ITIH6: variants seen among roughly 807,000 people sequenced by gnomAD.
ITIH6 encodes the protein inter-alpha-trypsin inhibitor heavy chain H6.
ITIH6 carries 60 observed loss-of-function variants against 58.2 expected under a neutral mutation model. That is an observed-to-expected ratio of 1.03 (90% CI 0.84 to 1.28). The LOEUF is 1.28. Ranked by LOEUF, ITIH6 falls within the 50% of genes most tolerant of loss-of-function variation. The pLI, the probability that ITIH6 is intolerant of heterozygous loss-of-function variation, is 0.00. For missense variants in ITIH6, 1,290 were observed against 1,021.1 expected (o/e 1.26, Z -3.59); for synonymous variants, 493 against 417.4 (o/e 1.18, Z -2.21).
intron 5 of ITIH6, among the ~76,000 whole-genome samples, chrX:54,784,517 A>G (rs1177169336): frequency 8.9e-6 from 1 of 112,153 alleles, no homozygotes; most frequent in Non-Finnish European, 1.9e-5. Context: ...AAATCCAATC[A>G]AAAAAGGGCA....
At position 54,749,917 on chromosome X, in the gene ITIH6, G is replaced by T. The variant is rs1323950884; in HGVS notation, c.3920C>A (p.Pro1307His). The change falls in exon 13 of 13, where the codon CCC (proline) becomes CAC (histidine). Residue 1307 changes from proline to histidine, a missense_variant. Pro to His is a moderately conservative substitution (Grantham distance 77). Transcript: ENST00000218436. ...CCATCACAGGACATAGGAGAGGTAGGGGTGGCCCAGAAGCAGCTCTACATG... is the reference window on the plus strand; with the variant it reads ...CCATCACAGGACATAGGAGAGGTAGTGGTGGCCCAGAAGCAGCTCTACATG... The part of the protein sequence containing the change: ...RSHVELLLGH[P>H]YLSYVL The T allele has an allele frequency of 1.7e-6, 2 of 1,208,852 alleles. No homozygotes were observed. Among genetic ancestry groups the T allele is most frequent in the Non-Finnish European group, 2.2e-6 (2 of 894,570 alleles).
chrX:54,756,485 G>A (rs1161838305), intron 8 of ITIH6, among the ~76,000 whole-genome samples: 1 of 111,568 alleles, frequency 9.0e-6, no homozygotes, highest in East Asian at 2.8e-4. Flanking sequence ...GCTCACAAAT[G>A]TTAACTTATT....
At chrX:54,761,351 G>A (rs1050495017) in intron 6 of ITIH6, among the ~76,000 whole-genome samples, 6 of 111,635 alleles carry the variant, frequency 5.4e-5, no homozygotes, top group Admixed American at 1.9e-4. Context: ...TTTGTCAGAT[G>A]AATAGATTGC....
chrX:54,779,569 TA>T (rs1929112306), intron 5 of ITIH6, among the ~76,000 whole-genome samples: 1 of 108,999 alleles, frequency 9.2e-6, no homozygotes, highest in Non-Finnish European at 1.9e-5. Context: ...AGTAAGAAAC[TA>T]AATCATATTA....
chrX:54,796,807 G>A, intron 2 of ITIH6, 135 bp downstream of exon 2: 1 of 582,114 alleles, frequency 1.7e-6, no homozygotes, highest in Non-Finnish European at 2.6e-6. Flanking sequence ...AACTGGCAGA[G>A]CCAGGATTCA....
chrX:54,759,788 T>C lies in ITIH6; in HGVS notation c.1043A>G (p.Lys348Arg). The C allele has an allele frequency of 8.3e-7, 1 of 1,211,287 alleles. No homozygotes were observed. Among genetic ancestry groups the C allele is most frequent in the East Asian group, 3.0e-5 (1 of 33,828 alleles). The change falls in exon 7 of 13, where the codon AAG (lysine) becomes AGG (arginine). Residue 348 changes from lysine (K) to arginine (R), a missense_variant. Lys to Arg is a conservative substitution (Grantham distance 26). Coordinates refer to ENST00000218436, the MANE Select transcript of ITIH6 (RefSeq NM_198510.3). ...QATIQNVHSA[K>R]DYLHCMEADG... ...GGCTTCCATGCAATGCAGGTAGTCC[T>C]TGGCACTGTGGACATTCTGGATGGT...
chrX:54,768,053 T>A (rs1209114917), intron 6 of ITIH6, among the ~76,000 whole-genome samples: 1 of 100,614 alleles, frequency 9.9e-6, no homozygotes, highest in Non-Finnish European at 1.9e-5. Flanking sequence ...ACTCAGGACA[T>A]GCTTTATGAA....
chrX:54,757,233 G>A lies in ITIH6; in HGVS notation c.2841C>T (p.Leu947=). ...CTTGCCTGGTCCTCTGGGGACCCGG[G>A]AGGAGGTCATACTGATGCCAGAACC... is the stretch of plus-strand genomic sequence containing the variant. ...PGRFWHQYDL[L]PGPQRTRQVL... is the part of the protein sequence containing the mutation. The change falls in exon 8 of 13, where the codon CTC becomes CTT. Residue 947 remains leucine (L), a synonymous_variant. Coordinates refer to ENST00000218436, the MANE Select transcript of ITIH6 (RefSeq NM_198510.3). 8.4e-7 allele frequency: 1 copy of A among 1,196,103 alleles called. No individual in the cohort carries two copies. The highest frequency in any genetic ancestry group is 1.9e-5 in the South Asian group (1 of 54,022).
chrX:54,788,947 C>T (rs1929294512), intron 4 of ITIH6, among the ~76,000 whole-genome samples: 1 of 112,501 alleles, frequency 8.9e-6, no homozygotes, highest in African/African-American at 3.2e-5. Context: ...CTTCATTTTC[C>T]GTGCAACCTG....
At chrX:54,781,123 C>T (rs1422172188) in intron 5 of ITIH6, among the ~76,000 whole-genome samples, 18 of 111,104 alleles carry the variant, frequency 1.6e-4, no homozygotes, top group African/African-American at 5.6e-4. Context: ...ACGTAAAACC[C>T]AAAACTATAA....
chrX:54,789,068 A>G (rs750491665), intron 4 of ITIH6, among the ~76,000 whole-genome samples: 5 of 112,708 alleles, frequency 4.4e-5, no homozygotes, highest in South Asian at 7.3e-4. Flanking sequence ...AGACAGACAC[A>G]CAGACAAGGT....
At chrX:54,774,644 C>T (rs1929019798) in intron 5 of ITIH6, among the ~76,000 whole-genome samples, 1 of 112,739 alleles carries the variant, frequency 8.9e-6, no homozygotes, top group Non-Finnish European at 1.9e-5. Flanking sequence ...TGCAGGGCCT[C>T]CCTCTCCTCC....
At position 54,789,302 on chromosome X, in the gene ITIH6, G is replaced by C. The variant is rs188580346; in HGVS notation, c.617-653C>G. Among the ~76,000 whole-genome samples, 5 of 111,686 alleles carry C rather than the reference G, an allele frequency of 4.5e-5. No individual in the cohort carries two copies. In the East Asian group the frequency reaches 1.4e-3, roughly 31 times the overall value. On this transcript the variant is annotated intron_variant, in intron 4 of 12. Transcript: ENST00000218436. ...AACTCCTCTGGAATCCAAGACAAAT[G>C]TCCATTTAGAAATGTCACTGTGCCT...
intron 2 of ITIH6, among the ~76,000 whole-genome samples, chrX:54,796,556 C>T (rs1010518243): frequency 9.1e-5 from 10 of 109,860 alleles, no homozygotes; most frequent in South Asian, 3.9e-4. Flanking sequence ...TGGTGGCATG[C>T]GCCTGTAGTC....
At chrX:54,765,822 G>C (rs989234618) in intron 6 of ITIH6, among the ~76,000 whole-genome samples, 8 of 109,655 alleles carry the variant, frequency 7.3e-5, no homozygotes, top group Non-Finnish European at 1.5e-4. Context: ...AAGTCAGGTA[G>C]TGTGATGCCT....
rs1467224049 is a variant in ITIH6, at chrX:54,757,081, CTG to C, written c.2991_2992del (p.Ile997MetfsTer7). 1.7e-6 allele frequency: 2 copies of C among 1,211,213 alleles called. No individual in the cohort carries two copies. The highest frequency in any genetic ancestry group is 2.2e-6 in the Non-Finnish European group (2 of 895,036). The stretch of plus-strand genomic sequence containing the variant: ...TAGCTCCTCAGGGAGAAGGAGCAGA[CTG>C]ATGGCCTCAGGGAGGATGCTAGAAG... On this transcript the variant is annotated frameshift_variant, in exon 8 of 13. Coordinates refer to ENST00000218436, the MANE Select transcript of ITIH6 (RefSeq NM_198510.3). LOFTEE classifies it high-confidence loss of function.
chrX:54,767,245 T>C (rs1278523830), intron 6 of ITIH6, among the ~76,000 whole-genome samples: 2 of 105,080 alleles, frequency 1.9e-5, no homozygotes, highest in East Asian at 3.0e-4. Flanking sequence ...ATCCCCTTTA[T>C]CATTTTTTAT....
At chrX:54,780,558 A>G (rs1262496506) in intron 5 of ITIH6, among the ~76,000 whole-genome samples, 1 of 111,950 alleles carries the variant, frequency 8.9e-6, no homozygotes. Context: ...AAGTGCCTAC[A>G]TCAAATAAGA....
At chrX:54,798,045 T>C in intron 1 of ITIH6, 64 bp downstream of exon 1, 1 of 779,913 alleles carries the variant, frequency 1.3e-6, no homozygotes, top group Non-Finnish European at 1.9e-6. Flanking sequence ...CCTTCCCAAA[T>C]TTCCCCCAAG....
Sources: gnomAD v4.1 joint callset for allele counts (sites outside exome capture counted in the v4.1 genomes callset) on GRCh38, gnomAD v4.1.1 for gene constraint, MANE v1.5 for transcripts, NCBI Gene and HGNC (gene_info 2026-07-23, HGNC 2026-07-21) for gene names.